SYT9: variants seen among roughly 807,000 people sequenced by gnomAD.
SYT9 encodes the protein synaptotagmin-9.
Under a neutral mutation model 48.4 loss-of-function variants are expected in SYT9, and 22 were observed. The ratio of observed to expected loss-of-function variants is 0.45; its 90% CI spans 0.32 to 0.65. SYT9 has a LOEUF of 0.65. SYT9 is among the 30% of genes least tolerant of loss of function. The pLI is 0.03. For synonymous variants in SYT9, 265 were observed against 245.0 expected, an observed-to-expected ratio of 1.08 and a Z score of -0.76; for missense variants, 577 against 622.0, an observed-to-expected ratio of 0.93 and a Z score of 0.77.
upstream of SYT9, among the ~76,000 whole-genome samples, chr11:7,249,254 AC>A (rs1847830516): frequency 6.6e-6 from 1 of 152,050 alleles, no homozygotes; most frequent in Admixed American, 6.6e-5. Flanking sequence ...ATTCTTCTGG[AC>A]CCCTCTCCAG....
intron 1 of SYT9, among the ~76,000 whole-genome samples, chr11:7,288,590 A>G (rs1848640694): frequency 6.6e-6 from 1 of 151,548 alleles, no homozygotes; most frequent in African/African-American, 2.4e-5. Context: ...CCCATTGGGG[A>G]TATGGTGGAG....
chr11:7,329,076 C>G (rs367850172), intron 3 of SYT9, among the ~76,000 whole-genome samples: 61 of 152,290 alleles, frequency 4.0e-4, no homozygotes, highest in African/African-American at 1.4e-3. Flanking sequence ...TGTCAGGAAT[C>G]TGATGTGTCT....
intron 1 of SYT9, among the ~76,000 whole-genome samples, chr11:7,245,382 A>C (rs11041277): frequency 0.045 from 6,889 of 152,170 alleles, 220 homozygotes; most frequent in East Asian, 0.12. Flanking sequence ...AGGTGACTTC[A>C]AAGATCTTTT....
chr11:7,405,151 C>A (rs560020091), intron 3 of SYT9, among the ~76,000 whole-genome samples: 1 of 149,204 alleles, frequency 6.7e-6, no homozygotes, highest in Admixed American at 6.7e-5. Context: ...CTTTTATTAT[C>A]ATTCCAGAAA....
rs929871641 is a variant in SYT9 at position 7,317,924 on chromosome 11, C to G, written c.1044+3983C>G. 1.7e-4 allele frequency among the ~76,000 whole-genome samples: 26 copies of G among 152,306 alleles called. 1 individual carries two copies. In the Middle Eastern group the frequency reaches 0.024, roughly 139 times the overall value. On this transcript the variant is annotated intron_variant, in intron 3 of 6. Transcript: ENST00000318881. ...CAGCCTACCTCTATCTTAGTTCAAC[C>G]TTGGCTGGTACTTGACTTTTCTCAC...
intron 1 of SYT9, among the ~76,000 whole-genome samples, chr11:7,286,995 A>G (rs1266081998): frequency 1.3e-5 from 2 of 152,108 alleles, no homozygotes; most frequent in Non-Finnish European, 1.5e-5. Context: ...AGTCGCTTTT[A>G]TATTTTCACA....
intron 1 of SYT9, among the ~76,000 whole-genome samples, chr11:7,290,566 A>G (rs565004061): frequency 6.6e-6 from 1 of 152,342 alleles, no homozygotes; most frequent in South Asian, 2.1e-4. Context: ...ATGTATATAT[A>G]CTTAAACACA....
chr11:7,407,450 G>A (rs1283393657), intron 3 of SYT9, among the ~76,000 whole-genome samples: 1 of 47,192 alleles, frequency 2.1e-5, no homozygotes, highest in Non-Finnish European at 3.7e-5. Context: ...GCGCAATCTC[G>A]GCTCACTGCA....
rs1847243383 is a variant in SYT9, at chr11:7,416,164, T to G, written c.1165+2T>G. 1 of 1,613,900 alleles carries G rather than the reference T, an allele frequency of 6.2e-7. No individual in the cohort carries two copies. The highest frequency in any genetic ancestry group is 1.3e-5 in the African/African-American group (1 of 74,884). On this transcript the variant is annotated splice_donor_variant, in intron 4 of 6. Transcript: ENST00000318881. LOFTEE classifies it high-confidence loss of function. ...CAATGGACATAACAGGAGCATCAGG[T>G]GGGGCATTTTCAAATTCAGACTTCC...
intron 6 of SYT9, among the ~76,000 whole-genome samples, chr11:7,445,860 C>T (rs1847918734): frequency 2.6e-5 from 4 of 152,232 alleles, no homozygotes. Context: ...GAGGAAGTCT[C>T]CTCTTTGTGA....
chr11:7,285,952 GCAGGGGACAGCCCC>G (rs1211068441), intron 1 of SYT9, among the ~76,000 whole-genome samples: 1 of 152,102 alleles, frequency 6.6e-6, no homozygotes, highest in African/African-American at 2.4e-5. Context: ...CTGTGGCTTT[GCAGGGGACAGCCCC>G]CTTCCTAGCT....
At chr11:7,414,644 C>A (rs142893280) in intron 3 of SYT9, among the ~76,000 whole-genome samples, 1 of 149,104 alleles carries the variant, frequency 6.7e-6, no homozygotes, top group Non-Finnish European at 1.5e-5. Flanking sequence ...CCAGCAAAGC[C>A]TAGCTTGCAA....
intron 1 of SYT9, among the ~76,000 whole-genome samples, chr11:7,264,574 T>C (rs1848141725): frequency 6.6e-6 from 1 of 151,856 alleles, no homozygotes; most frequent in Admixed American, 6.6e-5. Context: ...GATTAATGGA[T>C]TGTAGGTCCT....
At chr11:7,420,813 C>T (rs188108560) in intron 6 of SYT9, among the ~76,000 whole-genome samples, 178 bp downstream of exon 6, 189 of 152,242 alleles carry the variant, frequency 1.2e-3, no homozygotes, top group African/African-American at 4.3e-3. Flanking sequence ...CTGTGCTTCC[C>T]ACCAGTCTGG....
intron 6 of SYT9, among the ~76,000 whole-genome samples, chr11:7,442,961 G>T (rs971939158): frequency 2.6e-4 from 40 of 152,128 alleles, no homozygotes; most frequent in African/African-American, 9.4e-4. Context: ...AGTCTAGTGA[G>T]GAAAATGAGA....
chr11:7,363,405 T>C (rs1198777797), intron 3 of SYT9, among the ~76,000 whole-genome samples: 5 of 152,208 alleles, frequency 3.3e-5, no homozygotes, highest in Admixed American at 2.6e-4. Context: ...AAATGTAGAA[T>C]ACCAGAAATG....
intron 5 of SYT9, 144 bp from the exon 6 acceptor site, chr11:7,420,362 G>A (rs1312154916): frequency 1.9e-6 from 2 of 1,058,236 alleles, no homozygotes; most frequent in South Asian, 1.6e-5. Flanking sequence ...AGCTTAGCCT[G>A]TAGTTTTAAG....
In SYT9 at chr11:7,452,118, A is replaced by AACACACACACACACACACACAC. The variant is rs142000557; in HGVS notation, c.1468-14665_1468-14644dup. 2.9e-3 allele frequency among the ~76,000 whole-genome samples: 433 copies of AACACACACACACACACACACAC among 147,620 alleles called. 1 individual carries two copies. The highest frequency in any genetic ancestry group is 4.9e-3 in the Non-Finnish European group (325 of 66,838). ...AGCATTAATAGAGGTTTATATTTAA[A>AACACACACACACACACACACAC]ACACACACACACACACACACACACA... On this transcript the variant is annotated intron_variant, in intron 6 of 6. Transcript: ENST00000318881.
chr11:7,369,840 T>A (rs1850329939), intron 3 of SYT9, among the ~76,000 whole-genome samples: 3 of 146,618 alleles, frequency 2.0e-5, no homozygotes, highest in Non-Finnish European at 3.0e-5. Context: ...TCACATAAAT[T>A]CAACACATAA....
Sources: gnomAD v4.1 joint callset for allele counts (sites outside exome capture counted in the v4.1 genomes callset) on GRCh38, gnomAD v4.1.1 for gene constraint, MANE v1.5 for transcripts, NCBI Gene and HGNC (gene_info 2026-07-23, HGNC 2026-07-21) for gene names.